NFAM1: variants seen among roughly 807,000 people sequenced by gnomAD.
NFAM1 encodes the protein NFAT activation molecule 1.
NFAM1 carries 17 observed loss-of-function variants against 29.0 expected under a neutral mutation model. That is an observed-to-expected ratio of 0.59 (90% CI 0.40 to 0.88). NFAM1 has a LOEUF of 0.88. Ranked by LOEUF, NFAM1 falls within the 40% of genes least tolerant of loss-of-function variation. The probability of loss-of-function intolerance (pLI) is 0.00; values close to 1 mark genes in which losing one functional copy is unlikely to be tolerated. For synonymous variants in NFAM1, 175 were observed against 147.2 expected, an observed-to-expected ratio of 1.19 and a Z score of -1.36; for missense variants, 324 against 344.6, an observed-to-expected ratio of 0.94 and a Z score of 0.47.
In NFAM1 at chr22:42,384,933, C is replaced by T; in HGVS notation, c.*228G>A. 1 of 631,582 alleles carries T rather than the reference C, an allele frequency of 1.6e-6. No individual in the cohort carries two copies. Among genetic ancestry groups the T allele is most frequent in the South Asian group, 1.8e-5 (1 of 55,730 alleles). The allele number at this position is 631,582 out of a possible 1,614,324, so 39.1% of individuals were successfully genotyped here. A position where few individuals can be genotyped will look rare whatever the true frequency, so the allele number is the denominator to read the frequency against. ...GCCAAGGGAGGAAGGGCCTGCCTGG[C>T]AGAAGGAACAGCCTGGGCAAAGGCC... On this transcript the variant is annotated 3_prime_UTR_variant, in exon 6 of 6. Coordinates refer to ENST00000329021, the MANE Select transcript of NFAM1 (RefSeq NM_145912.8).
chr22:42,397,045 C>T (rs1004009690), intron 4 of NFAM1, among the ~76,000 whole-genome samples: 2 of 150,684 alleles, frequency 1.3e-5, no homozygotes, highest in East Asian at 1.9e-4. Flanking sequence ...CCAGATCTCA[C>T]GAGATGGGGA....
In NFAM1 at chr22:42,387,062, T is replaced by C; in HGVS notation, c.680A>G (p.Glu227Gly). The C allele has an allele frequency of 6.3e-7, 1 of 1,586,346 alleles. No homozygotes were observed. The highest frequency in any genetic ancestry group is 1.1e-5 in the South Asian group (1 of 87,656). Residue 227 changes from glutamate to glycine, a missense_variant, in exon 5 of 6, where the codon GAG (glutamate) becomes GGG (glycine). By Grantham distance (98) the Glu-to-Gly change is moderately conservative (BLOSUM62 -2). Transcript: ENST00000329021. ...ESVYTALQRR[E>G]TEVYACIENE... is the part of the protein sequence containing the mutation. Reference sequence around the variant, plus strand: ...CTCGATGCAGGCATAGACCTCGGTCTCGCGGCGCTGCAGAGCCTACAGGAA... The same window carrying C: ...CTCGATGCAGGCATAGACCTCGGTCCCGCGGCGCTGCAGAGCCTACAGGAA...
At chr22:42,403,336 A>G (rs1929789893) in intron 3 of NFAM1, among the ~76,000 whole-genome samples, 2 of 152,244 alleles carry the variant, frequency 1.3e-5, no homozygotes, top group Non-Finnish European at 2.9e-5. Flanking sequence ...TCATGACAGC[A>G]TAACAGCTGA....
intron 1 of NFAM1, among the ~76,000 whole-genome samples, chr22:42,415,637 T>G (rs926975473): frequency 5.3e-5 from 8 of 152,164 alleles, no homozygotes; most frequent in Non-Finnish European, 1.2e-4. Context: ...ACCCCAGAGC[T>G]GGAATCCTGC....
At chr22:42,434,008 A>C (rs915829822), upstream of NFAM1, among the ~76,000 whole-genome samples, 1 of 152,066 alleles carries the variant, frequency 6.6e-6, no homozygotes. Flanking sequence ...CCTCGGAACA[A>C]GGGAGCCTGC....
chr22:42,399,904 C>T (rs1426801881), intron 3 of NFAM1, among the ~76,000 whole-genome samples: 2 of 152,204 alleles, frequency 1.3e-5, no homozygotes, highest in Non-Finnish European at 2.9e-5. Flanking sequence ...AGGCAGAAGC[C>T]GGCGCCACCC....
intron 1 of NFAM1, among the ~76,000 whole-genome samples, chr22:42,421,980 T>C (rs1930460316): frequency 6.6e-6 from 1 of 152,190 alleles, no homozygotes; most frequent in Non-Finnish European, 1.5e-5. Context: ...TGTGGCCAAG[T>C]GGCTGGTGAG....
In NFAM1 at chr22:42,397,889, G is replaced by A; in HGVS notation, c.632C>T (p.Pro211Leu). The A allele has an allele frequency of 3.1e-6, 5 of 1,613,164 alleles. No homozygotes were observed. Among genetic ancestry groups the A allele is most frequent in the Non-Finnish European group, 4.2e-6 (5 of 1,179,358 alleles). The change falls in exon 4 of 6, where the codon CCC becomes CTC. Residue 211 changes from proline (P) to leucine (L), a missense_variant. Coordinates refer to ENST00000329021, the MANE Select transcript of NFAM1 (RefSeq NM_145912.8). Reference protein sequence around the residue: ...KCPDPRSASSPKQHPSESVYT... With the variant: ...KCPDPRSASSLKQHPSESVYT... ...GACAGATTCTGAAGGATGCTGCTTG[G>A]GGCTGCTGGCAGATCTTGGATCTGG...
At chr22:42,416,829 A>G (rs1930275191) in intron 1 of NFAM1, among the ~76,000 whole-genome samples, 2 of 152,298 alleles carry the variant, frequency 1.3e-5, no homozygotes, top group Admixed American at 6.5e-5. Flanking sequence ...TCCCCATGGG[A>G]TAACGTGGTC....
At chr22:42,407,755 A>C (rs1022323592) in intron 3 of NFAM1, among the ~76,000 whole-genome samples, 5 of 151,984 alleles carry the variant, frequency 3.3e-5, no homozygotes, top group Non-Finnish European at 7.4e-5. Context: ...ATGACTGGCT[A>C]ATTTTTTAAA....
chr22:42,405,038 TTC>T (rs1255011150), intron 3 of NFAM1, among the ~76,000 whole-genome samples: 4 of 151,910 alleles, frequency 2.6e-5, no homozygotes, highest in African/African-American at 9.7e-5. Context: ...TTTGCAGACA[TTC>T]CTGGAAGCAC....
At chr22:42,403,200 C>T (rs377658145) in intron 3 of NFAM1, among the ~76,000 whole-genome samples, 2 of 152,230 alleles carry the variant, frequency 1.3e-5, no homozygotes, top group East Asian at 1.9e-4. Flanking sequence ...CTGGGGAAAC[C>T]GAAGCCTGGA....
At chr22:42,434,247 A>C (rs959838039), upstream of NFAM1, among the ~76,000 whole-genome samples, 2 of 152,110 alleles carry the variant, frequency 1.3e-5, no homozygotes, top group Non-Finnish European at 2.9e-5. Context: ...CAGGGGGTGC[A>C]GGAATGGACG....
chr22:42,386,437 CAA>C (rs61198968), intron 5 of NFAM1, among the ~76,000 whole-genome samples: 6,035 of 149,398 alleles, frequency 0.04, 126 homozygotes, highest in South Asian at 0.05. Flanking sequence ...AAAACAAAAA[CAA>C]AAAAAAAGAG....
intron 3 of NFAM1, among the ~76,000 whole-genome samples, chr22:42,402,295 C>T (rs536393264): frequency 4.3e-4 from 65 of 152,268 alleles, no homozygotes; most frequent in African/African-American, 1.3e-3. Flanking sequence ...GCAGAGGACT[C>T]GGGGACTGAG....
In NFAM1 at chr22:42,409,471, C is replaced by G. The variant is rs1930008801; in HGVS notation, c.528G>C (p.Leu176=). 2 of 1,565,824 alleles carry G rather than the reference C, an allele frequency of 1.3e-6. No homozygotes were observed. The highest frequency in any genetic ancestry group is 8.7e-7 in the Non-Finnish European group (1 of 1,154,672). The change falls in exon 3 of 6, where the codon CTG becomes CTC. Residue 176 remains leucine (L), a synonymous_variant. Coordinates refer to ENST00000329021, the MANE Select transcript of NFAM1 (RefSeq NM_145912.8). This position sits in a 1 kb window ranked among gnomAD's most constrained non-coding sequence, Gnocchi z 4.9. The stretch of plus-strand genomic sequence containing the variant: ...GCAGCAGGGCCGTGCCCACTACACT[C>G]AGGACACTCAGGAGGCCGGTGAAGC... ...LFGFTGLLSV[L]SVVGTALLLW...
At chr22:42,404,270 GC>G (rs1384421067) in intron 3 of NFAM1, among the ~76,000 whole-genome samples, 3 of 152,084 alleles carry the variant, frequency 2.0e-5, no homozygotes, top group African/African-American at 7.2e-5. Context: ...CCCCAAAGCT[GC>G]CAACCGCGGT....
intron 3 of NFAM1, among the ~76,000 whole-genome samples, chr22:42,402,737 A>G (rs995592327): frequency 2.0e-5 from 3 of 151,428 alleles, no homozygotes; most frequent in South Asian, 2.1e-4. Flanking sequence ...ACCTACTCTC[A>G]TGGCAGGAAT....
intron 1 of NFAM1, 100 bp downstream of exon 1, chr22:42,432,137 C>A: frequency 2.8e-6 from 3 of 1,090,648 alleles, no homozygotes; most frequent in Non-Finnish European, 4.1e-6. Context: ...AGCAAATCCC[C>A]AGAGACAGGT....
Sources: gnomAD v4.1 joint callset for allele counts (sites outside exome capture counted in the v4.1 genomes callset) on GRCh38, gnomAD v4.1.1 for gene constraint, Gnocchi (gnomAD v3.1) non-coding constraint, MANE v1.5 for transcripts, NCBI Gene and HGNC (gene_info 2026-07-23, HGNC 2026-07-21) for gene names.